The following FHIT variants were observed in gnomAD, a reference collection of about 807,000 sequenced individuals.
FHIT encodes bis(5'-adenosyl)-triphosphatase.
FHIT carries 19 observed loss-of-function variants against 17.9 expected under a neutral mutation model. That is an observed-to-expected ratio of 1.06 (90% CI 0.74 to 1.56). The LOEUF is 1.56. Among genes scored for constraint, FHIT ranks in the 40% most tolerant of loss-of-function variants. The pLI is 0.00. For synonymous variants in FHIT, 81 were observed against 69.7 expected, an observed-to-expected ratio of 1.16 and a Z score of -0.81; for missense variants, 248 against 189.2, an observed-to-expected ratio of 1.31 and a Z score of -1.82.
chr3:60,923,870 C>T (rs545011707), intron 3 of FHIT, among the ~76,000 whole-genome samples: 1 of 152,184 alleles, frequency 6.6e-6, no homozygotes, highest in Non-Finnish European at 1.5e-5. Context: ...TAATACTGTG[C>T]TTTTCCAATG....
At chr3:60,477,695 G>A (rs2033415156) in intron 5 of FHIT, among the ~76,000 whole-genome samples, 3 of 152,054 alleles carry the variant, frequency 2.0e-5, no homozygotes, top group African/African-American at 7.2e-5. Context: ...GTAAACAATC[G>A]GTATAGGCAT....
rs115664193 is a variant in FHIT at position 59,791,322 on chromosome 3, G to A, written c.349-39001C>T. Among the ~76,000 whole-genome samples, 1,318 of 152,232 alleles carry A rather than the reference G, an allele frequency of 8.7e-3. 10 individuals carry two copies. Among genetic ancestry groups the A allele is most frequent in the Middle Eastern group, 0.02 (6 of 294 alleles). ...TTTTTATAGGCATTACTGAAGCAGC[G>A]GGGGTGGGGTGGGGGAAACCCACAA... On this transcript the variant is annotated intron_variant, in intron 8 of 9. Coordinates refer to ENST00000492590, the MANE Select transcript of FHIT (RefSeq NM_002012.4).
At chr3:61,029,510 A>G (rs1046945950) in intron 3 of FHIT, among the ~76,000 whole-genome samples, 1 of 152,218 alleles carries the variant, frequency 6.6e-6, no homozygotes, top group African/African-American at 2.4e-5. Flanking sequence ...ATCCAGTACC[A>G]CTTAAAAATT....
intron 2 of FHIT, among the ~76,000 whole-genome samples, chr3:61,094,427 T>C (rs1002076936): frequency 6.6e-5 from 10 of 152,226 alleles, no homozygotes; most frequent in African/African-American, 1.2e-4. Context: ...CTAAGAAGAA[T>C]CTTAGAGCAA....
intron 4 of FHIT, among the ~76,000 whole-genome samples, chr3:60,561,513 T>C (rs369428823): frequency 1.3e-5 from 2 of 151,048 alleles, no homozygotes; most frequent in African/African-American, 4.8e-5. Context: ...CAATCAAGGA[T>C]GTCAAAATGA....
intron 8 of FHIT, among the ~76,000 whole-genome samples, chr3:59,855,444 A>G (rs1702114251): frequency 6.6e-6 from 1 of 152,206 alleles, no homozygotes; most frequent in African/African-American, 2.4e-5. Flanking sequence ...TTTAAATTTT[A>G]TAAAAAGGAT....
intron 5 of FHIT, among the ~76,000 whole-genome samples, chr3:60,260,534 C>G (rs1380726745): frequency 6.6e-6 from 1 of 151,996 alleles, no homozygotes; most frequent in East Asian, 1.9e-4. Context: ...GGGCTTTAGA[C>G]TTAACACAAA....
rs569318793 is a variant in FHIT at position 59,760,947 on chromosome 3, G to A, written c.349-8626C>T. ...AGCCACTTCCGCCTCCTAAAGTGCC[G>A]GGGTTATAGGCATGCACCACTGTGC... On this transcript the variant is annotated intron_variant, in intron 8 of 9. Coordinates refer to ENST00000492590, the MANE Select transcript of FHIT (RefSeq NM_002012.4). Among the ~76,000 whole-genome samples, 5 of 152,020 alleles carry A rather than the reference G, an allele frequency of 3.3e-5. No homozygotes were observed. The East Asian group carries it at 5.8e-4, about 18-fold the overall frequency.
At chr3:60,033,447 T>C (rs1701085470) in intron 5 of FHIT, among the ~76,000 whole-genome samples, 1 of 149,700 alleles carries the variant, frequency 6.7e-6, no homozygotes, top group African/African-American at 2.5e-5. Flanking sequence ...TGAGCCAAGA[T>C]CGCGCCATTG....
intron 3 of FHIT, among the ~76,000 whole-genome samples, chr3:61,003,535 C>T (rs1398184925): frequency 6.6e-6 from 1 of 152,170 alleles, no homozygotes; most frequent in East Asian, 1.9e-4. Context: ...TGTGTTTATG[C>T]CCCTTAAAAG....
intron 7 of FHIT, among the ~76,000 whole-genome samples, chr3:59,972,654 C>T (rs1230443565): frequency 6.6e-6 from 1 of 152,110 alleles, no homozygotes; most frequent in Non-Finnish European, 1.5e-5. Flanking sequence ...TATGAGTTCA[C>T]AGCTTAAAGT....
chr3:60,905,879 G>T (rs1553764414), intron 3 of FHIT, among the ~76,000 whole-genome samples: 1 of 152,116 alleles, frequency 6.6e-6, no homozygotes. Context: ...GATGGAGTGG[G>T]ACTTTCTTGA....
chr3:60,770,761 T>C (rs191860539), intron 4 of FHIT, among the ~76,000 whole-genome samples: 1 of 152,358 alleles, frequency 6.6e-6, no homozygotes, highest in Admixed American at 6.5e-5. Context: ...CCAGACCAGT[T>C]CTGCAACATA....
At chr3:60,368,852 C>CT (rs948841014) in intron 5 of FHIT, among the ~76,000 whole-genome samples, 112 of 151,914 alleles carry the variant, frequency 7.4e-4, no homozygotes, top group African/African-American at 2.6e-3. Flanking sequence ...TTTTCTTAGT[C>CT]TTTTTTTTCC....
At chr3:60,197,656 C>G (rs1415117665) in intron 5 of FHIT, among the ~76,000 whole-genome samples, 1 of 152,136 alleles carries the variant, frequency 6.6e-6, no homozygotes, top group Non-Finnish European at 1.5e-5. Flanking sequence ...GAAAGGGTAT[C>G]TTAGTACTTC....
At chr3:60,434,003 G>C (rs575076627) in intron 5 of FHIT, among the ~76,000 whole-genome samples, 24 of 152,150 alleles carry the variant, frequency 1.6e-4, no homozygotes, top group African/African-American at 5.5e-4. Flanking sequence ...ATGTTAAGGA[G>C]ATTTCCCCAT....
chr3:60,152,114 G>A (rs762111966), intron 5 of FHIT, among the ~76,000 whole-genome samples: 2 of 152,074 alleles, frequency 1.3e-5, no homozygotes, highest in African/African-American at 4.8e-5. Flanking sequence ...GATCCTACAA[G>A]GTCTAATAAT....
chr3:60,538,363 T>A (rs1056946911), intron 4 of FHIT, among the ~76,000 whole-genome samples: 1 of 152,128 alleles, frequency 6.6e-6, no homozygotes, highest in African/African-American at 2.4e-5. Flanking sequence ...GGCCATACTG[T>A]CCAAGGTAAT....
chr3:59,789,194 C>T (rs1699445329), intron 8 of FHIT, among the ~76,000 whole-genome samples: 1 of 152,094 alleles, frequency 6.6e-6, no homozygotes, highest in African/African-American at 2.4e-5. Flanking sequence ...TTTTAAAGCC[C>T]AGATAGTAGG....
Sources: allele counts gnomAD v4.1 joint callset (sites outside exome capture counted in the v4.1 genomes callset), GRCh38; gene constraint gnomAD v4.1.1; transcripts MANE v1.5; gene names NCBI Gene and HGNC (gene_info 2026-07-23, HGNC 2026-07-21).